Variants in SHISA5 observed in about 807,000 individuals in gnomAD.
SHISA5 encodes the protein protein shisa-5.
In SHISA5, 21 loss-of-function variants were observed where a neutral mutation model predicts 27.5. The ratio of observed to expected loss-of-function variants is 0.76; its 90% confidence interval spans 0.54 to 1.10. SHISA5 has a LOEUF of 1.10. SHISA5 is among the 50% of genes least tolerant of loss of function. SHISA5 has a pLI of 0.00. For synonymous variants in SHISA5, 137 were observed against 142.2 expected (o/e 0.96, Z 0.26); for missense variants, 314 against 336.3 (o/e 0.93, Z 0.52).
At chr3:48,502,440 A>G in intron 1 of SHISA5, 1 of 456,500 alleles carries the variant, frequency 2.2e-6, no homozygotes, top group South Asian at 1.5e-5. Flanking sequence ...AGGCAGTGGC[A>G]CCATCTGTAG....
At chr3:48,497,742 GC>G (rs1359978517) in intron 2 of SHISA5, among the ~76,000 whole-genome samples, 11 of 151,952 alleles carry the variant, frequency 7.2e-5, no homozygotes, top group Admixed American at 7.2e-4. Flanking sequence ...AACAAAATTA[GC>G]CAGGCATGGT....
intron 2 of SHISA5, among the ~76,000 whole-genome samples, chr3:48,486,012 T>C (rs1412308621): frequency 6.6e-6 from 1 of 150,890 alleles, no homozygotes; most frequent in East Asian, 1.9e-4. Context: ...CAGCCTCTAA[T>C]AATTTCAGTC....
intron 2 of SHISA5, among the ~76,000 whole-genome samples, chr3:48,498,490 C>G (rs1038710757): frequency 3.3e-5 from 5 of 151,912 alleles, no homozygotes; most frequent in African/African-American, 1.2e-4. Context: ...AGTTCGAGAC[C>G]AACCTGGGCA....
chr3:48,488,837 A>G (rs1421528207), intron 2 of SHISA5, among the ~76,000 whole-genome samples: 1 of 151,184 alleles, frequency 6.6e-6, no homozygotes, highest in East Asian at 1.9e-4. Flanking sequence ...CCGTCTCAAA[A>G]AAAAAAAAAA....
intron 2 of SHISA5, among the ~76,000 whole-genome samples, chr3:48,492,245 C>T (rs1474426603): frequency 7.3e-6 from 1 of 136,534 alleles, no homozygotes; most frequent in Non-Finnish European, 1.5e-5. Context: ...CCGAGGCGGG[C>T]GGATCACGAG....
intron 2 of SHISA5, among the ~76,000 whole-genome samples, chr3:48,480,041 C>T (rs1009446353): frequency 3.0e-4 from 46 of 151,822 alleles, no homozygotes; most frequent in Non-Finnish European, 5.0e-4. Context: ...GTAGCTGGGT[C>T]TACAGGCGCC....
intron 3 of SHISA5, among the ~76,000 whole-genome samples, chr3:48,472,811 C>T (rs2040684067): frequency 6.6e-6 from 1 of 152,164 alleles, no homozygotes; most frequent in Admixed American, 6.5e-5. Flanking sequence ...CCATCAGCCC[C>T]AGGCCGTCCA....
chr3:48,496,082 C>T lies in SHISA5; in HGVS notation c.233+5055G>A, dbSNP rs926418577. Among the ~76,000 whole-genome samples the T allele has an allele frequency of 8.0e-3, 1,140 of 141,888 alleles. 172 individuals are homozygous for T. The highest frequency in any genetic ancestry group is 0.031 in the African/African-American group (1,054 of 34,414). 93.1% of individuals were successfully genotyped at this position (141,888 alleles called of 152,430 possible). On this transcript the variant is annotated intron_variant, in intron 2 of 5. Coordinates refer to ENST00000296444, the MANE Select transcript of SHISA5 (RefSeq NM_016479.6). ...CAGGCGGATCACAAGGTCAGGCGTTCGAGACCAGCCTGGCCAACATGGTGA... is the reference window on the plus strand; with the variant it reads ...CAGGCGGATCACAAGGTCAGGCGTTTGAGACCAGCCTGGCCAACATGGTGA...
chr3:48,471,601 G>T (rs2040624377), intron 3 of SHISA5, among the ~76,000 whole-genome samples: 2 of 145,414 alleles, frequency 1.4e-5, no homozygotes, highest in Non-Finnish European at 3.0e-5. Flanking sequence ...TTTTGTACTG[G>T]ATGATAAAAG....
At chr3:48,494,138 G>A (rs1468345488) in intron 2 of SHISA5, among the ~76,000 whole-genome samples, 7 of 146,712 alleles carry the variant, frequency 4.8e-5, no homozygotes, top group South Asian at 2.1e-4. Context: ...CCTAGTCTCC[G>A]GTTACCACCA....
chr3:48,489,200 T>C (rs1234789822), intron 2 of SHISA5, among the ~76,000 whole-genome samples: 1 of 151,740 alleles, frequency 6.6e-6, no homozygotes, highest in African/African-American at 2.4e-5. Context: ...ATGAGATTTT[T>C]TTTTTTTTTT....
At chr3:48,472,681 G>A (rs1451209553) in intron 3 of SHISA5, among the ~76,000 whole-genome samples, 1 of 152,052 alleles carries the variant, frequency 6.6e-6, no homozygotes, top group African/African-American at 2.4e-5. Flanking sequence ...AGGAGGGTGT[G>A]GGTCCCACCC....
At chr3:48,472,541 C>A (rs1398619457) in intron 3 of SHISA5, among the ~76,000 whole-genome samples, 1 of 151,960 alleles carries the variant, frequency 6.6e-6, no homozygotes, top group East Asian at 1.9e-4. Flanking sequence ...GTGTCAGCCA[C>A]CATGCCCAAC....
intron 3 of SHISA5, among the ~76,000 whole-genome samples, chr3:48,475,641 C>T (rs1293511829): frequency 6.6e-6 from 1 of 152,216 alleles, no homozygotes; most frequent in African/African-American, 2.4e-5. Context: ...CTCTCCCTTT[C>T]CCCTGCACTG....
At chr3:48,491,168 G>C (rs1387704316) in intron 2 of SHISA5, among the ~76,000 whole-genome samples, 1 of 150,360 alleles carries the variant, frequency 6.7e-6, no homozygotes, top group Non-Finnish European at 1.5e-5. Flanking sequence ...GCCCAGGCTG[G>C]AGTGCAGTGG....
Position 48,487,729 on chromosome 3 carries a change from C to T in SHISA5, c.234-8472G>A, listed in dbSNP as rs191540686. Among the ~76,000 whole-genome samples, 19 of 152,170 alleles carry T rather than the reference C, an allele frequency of 1.2e-4. 1 individual carries two copies. The East Asian group carries it at 3.5e-3, about 28-fold the overall frequency. Reference sequence around the variant, plus strand: ...GGCCAACATAGCAAAACCCTGTCTACTAAAAATACCAAAAAAATTATCTGG... The same window carrying T: ...GGCCAACATAGCAAAACCCTGTCTATTAAAAATACCAAAAAAATTATCTGG... On this transcript the variant is annotated intron_variant, in intron 2 of 5. Coordinates refer to ENST00000296444, the MANE Select transcript of SHISA5 (RefSeq NM_016479.6).
chr3:48,477,582 T>C (rs773740574), intron 3 of SHISA5, among the ~76,000 whole-genome samples: 1 of 152,104 alleles, frequency 6.6e-6, no homozygotes, highest in Non-Finnish European at 1.5e-5. Context: ...ATGCCTGTCT[T>C]ACTCCTCATC....
At chr3:48,501,860 CTTTTTTT>C (rs35527637) in intron 1 of SHISA5, among the ~76,000 whole-genome samples, 3 of 133,094 alleles carry the variant, frequency 2.3e-5, no homozygotes, top group Non-Finnish European at 4.8e-5. Context: ...CCCTTTCTTT[CTTTTTTT>C]TTTTTTTTTT....
chr3:48,488,685 T>C (rs955666629), intron 2 of SHISA5, among the ~76,000 whole-genome samples: 1 of 151,064 alleles, frequency 6.6e-6, no homozygotes, highest in Non-Finnish European at 1.5e-5. Context: ...AACACAAAAT[T>C]AGCCGTGCGT....
Sources: gnomAD v4.1 joint callset for allele counts (sites outside exome capture counted in the v4.1 genomes callset) on GRCh38, gnomAD v4.1.1 for gene constraint, MANE v1.5 for transcripts, NCBI Gene and HGNC (gene_info 2026-07-23, HGNC 2026-07-21) for gene names.